RSRC1: variants seen among roughly 807,000 people sequenced by gnomAD.
RSRC1 encodes the protein serine/Arginine-related protein 53.
A neutral mutation model predicts 49.1 loss-of-function variants in RSRC1; 39 were observed. The observed-to-expected ratio is 0.79, with a 90% CI of 0.61 to 1.04. The LOEUF (loss-of-function observed/expected upper bound fraction) is 1.04. Ranked by LOEUF, RSRC1 falls within the 50% of genes least tolerant of loss-of-function variation. RSRC1 has a pLI of 0.00. For synonymous variants in RSRC1, 143 were observed against 130.8 expected (o/e 1.09, Z -0.63); for missense variants, 388 against 402.4 (o/e 0.96, Z 0.31).
intron 1 of RSRC1, among the ~76,000 whole-genome samples, chr3:158,110,900 G>A (rs916420614): frequency 2.0e-5 from 3 of 152,202 alleles, no homozygotes; most frequent in Non-Finnish European, 4.4e-5. Context: ...CATGTTGCCT[G>A]CTCTTGATTT....
At chr3:158,148,374 T>TGG (rs1309927729) in intron 3 of RSRC1, among the ~76,000 whole-genome samples, 1 of 151,702 alleles carries the variant, frequency 6.6e-6, no homozygotes, top group Non-Finnish European at 1.5e-5. Context: ...TGCGTGTGTG[T>TGG]GTGTGTGTGT....
chr3:158,316,936 G>T (rs943456132), intron 5 of RSRC1, among the ~76,000 whole-genome samples: 1 of 152,130 alleles, frequency 6.6e-6, no homozygotes, highest in African/African-American at 2.4e-5. Context: ...TTATTATTTA[G>T]TGCAAATACC....
rs562203215 is a variant in RSRC1, at chr3:158,354,372, C to T, written c.532-485C>T. ...CAATTTTAGGACAGTTCATAGGAGC[C>T]GGAAGCATATAAGCCAAATTGTGTC... On this transcript the variant is annotated intron_variant, in intron 5 of 9. Transcript: ENST00000611884. 1.3e-3 allele frequency among the ~76,000 whole-genome samples: 191 copies of T among 152,212 alleles called. 1 individual carries two copies. The highest frequency in any genetic ancestry group is 1.6e-3 in the Non-Finnish European group (106 of 68,010).
chr3:158,430,338 C>T (rs1026088883), intron 6 of RSRC1, among the ~76,000 whole-genome samples: 3 of 151,978 alleles, frequency 2.0e-5, no homozygotes, highest in East Asian at 1.9e-4. Flanking sequence ...TCTTTGTCAA[C>T]GAAGAGCTCC....
At chr3:158,443,858 G>A (rs377154317) in intron 6 of RSRC1, among the ~76,000 whole-genome samples, 8 of 152,128 alleles carry the variant, frequency 5.3e-5, no homozygotes, top group African/African-American at 1.9e-4. Context: ...AAAGGCTATT[G>A]TAGGGTTGCT....
In RSRC1 at chr3:158,436,989, A is replaced by G. The variant is rs567635631; in HGVS notation, c.584-23946A>G. Among the ~76,000 whole-genome samples, 62 of 151,474 alleles carry G rather than the reference A, an allele frequency of 4.1e-4. 1 individual carries two copies. The Middle Eastern group carries it at 0.01, about 25-fold the overall frequency. On this transcript the variant is annotated intron_variant, in intron 6 of 9. Transcript: ENST00000611884. ...CCGAGACAGTCTGGCTTCAGAATCC[A>G]TTCTTTAAATATCTCTGCTATAATA...
At chr3:158,116,750 G>A (rs902658040) in intron 1 of RSRC1, among the ~76,000 whole-genome samples, 21 of 151,950 alleles carry the variant, frequency 1.4e-4, no homozygotes, top group African/African-American at 5.1e-4. Context: ...GAAAAGTGTT[G>A]TAGAGATCCC....
chr3:158,507,045 A>G (rs1739891535), intron 7 of RSRC1, among the ~76,000 whole-genome samples: 1 of 152,070 alleles, frequency 6.6e-6, no homozygotes, highest in Admixed American at 6.6e-5. Flanking sequence ...ACACAATGGA[A>G]TATTATTCAG....
chr3:158,503,208 G>A (rs1578552689), intron 7 of RSRC1, among the ~76,000 whole-genome samples: 1 of 152,130 alleles, frequency 6.6e-6, no homozygotes, highest in African/African-American at 2.4e-5. Context: ...TGGTACTGGG[G>A]GCTGTCTGCA....
chr3:158,166,509 TGTG>T (rs1359058509), intron 3 of RSRC1, among the ~76,000 whole-genome samples: 2 of 152,114 alleles, frequency 1.3e-5, no homozygotes, highest in Non-Finnish European at 2.9e-5. Flanking sequence ...TTATGAAAAA[TGTG>T]GTTCTAATCA....
chr3:158,261,671 C>T (rs1403563621), intron 4 of RSRC1, among the ~76,000 whole-genome samples: 1 of 152,134 alleles, frequency 6.6e-6, no homozygotes, highest in African/African-American at 2.4e-5. Context: ...GTCAGATCAG[C>T]AGCAGTATTA....
intron 1 of RSRC1, among the ~76,000 whole-genome samples, chr3:158,117,345 A>G (rs1293560775): frequency 1.3e-5 from 2 of 152,188 alleles, no homozygotes; most frequent in African/African-American, 2.4e-5. Flanking sequence ...CACCCAGACT[A>G]GAGTGCAGTA....
chr3:158,513,373 T>C (rs1298849759), intron 7 of RSRC1, among the ~76,000 whole-genome samples: 1 of 152,210 alleles, frequency 6.6e-6, no homozygotes, highest in Non-Finnish European at 1.5e-5. Flanking sequence ...ATTGAGATAA[T>C]CATGTGGTTT....
chr3:158,531,637 T>C (rs1712408182), intron 7 of RSRC1, among the ~76,000 whole-genome samples: 1 of 151,588 alleles, frequency 6.6e-6, no homozygotes, highest in Admixed American at 6.6e-5. Flanking sequence ...ACTTAAGGAG[T>C]TTTCTCATCT....
At chr3:158,118,413 C>CCGTGTGTGTG (rs1274379257) in intron 1 of RSRC1, among the ~76,000 whole-genome samples, 3 of 90,070 alleles carry the variant, frequency 3.3e-5, no homozygotes, top group African/African-American at 1.4e-4. Flanking sequence ...ACCTGGCCTT[C>CCGTGTGTGTG]TGTGTGTGTG....
chr3:158,379,192 CTTTTTTTTTTTTT>C (rs768767131), intron 6 of RSRC1, among the ~76,000 whole-genome samples: 1 of 93,898 alleles, frequency 1.1e-5, no homozygotes, highest in East Asian at 3.0e-4. Context: ...AGAAATACCA[CTTTTTTTTTTTTT>C]TTTTTTTTTT....
intron 6 of RSRC1, among the ~76,000 whole-genome samples, chr3:158,387,318 T>TC (rs1053106639): frequency 6.6e-6 from 1 of 152,110 alleles, no homozygotes; most frequent in Non-Finnish European, 1.5e-5. Context: ...TCTGGACTAC[T>TC]CCAACTTTTG....
intron 5 of RSRC1, chr3:158,302,735 C>T (rs1195850783): frequency 7.3e-6 from 1 of 136,484 alleles, no homozygotes; most frequent in Non-Finnish European, 1.5e-5. Context: ...AATCTTGGCT[C>T]ACTGCAGCCT....
intron 6 of RSRC1, among the ~76,000 whole-genome samples, chr3:158,356,580 T>C (rs1280610675): frequency 2.0e-5 from 3 of 152,120 alleles, no homozygotes; most frequent in Non-Finnish European, 4.4e-5. Context: ...CATTACTTAC[T>C]AAAATTTTGT....
Sources: gnomAD v4.1 joint callset for allele counts (sites outside exome capture counted in the v4.1 genomes callset) on GRCh38, gnomAD v4.1.1 for gene constraint, MANE v1.5 for transcripts, NCBI Gene and HGNC (gene_info 2026-07-23, HGNC 2026-07-21) for gene names.